Variants in SLC8A1 observed in about 807,000 individuals in gnomAD.
SLC8A1 encodes the protein solute carrier family 8 member A1.
In SLC8A1, 18 loss-of-function variants were observed where a neutral mutation model predicts 68.3. The observed-to-expected ratio is 0.26, with a 90% CI of 0.18 to 0.39. The LOEUF (loss-of-function observed/expected upper bound fraction) is 0.39. Among genes scored for constraint, SLC8A1 ranks in the 10% least tolerant of loss-of-function variants. SLC8A1 has a pLI of 1.00. For missense variants in SLC8A1, 985 were observed against 1,156.7 expected, an observed-to-expected ratio of 0.85 and a Z score of 2.15; for synonymous variants, 475 against 415.5, an observed-to-expected ratio of 1.14 and a Z score of -1.74.
At chr2:40,316,557 T>G (rs752880018) in intron 2 of SLC8A1, among the ~76,000 whole-genome samples, 3 of 152,072 alleles carry the variant, frequency 2.0e-5, no homozygotes, top group Non-Finnish European at 4.4e-5. Flanking sequence ...AAGCTTTAGC[T>G]GAGATCATGA....
At chr2:40,393,854 A>G (rs946468464) in intron 2 of SLC8A1, among the ~76,000 whole-genome samples, 1 of 152,154 alleles carries the variant, frequency 6.6e-6, no homozygotes, top group Non-Finnish European at 1.5e-5. Flanking sequence ...CCAAAATATT[A>G]TAAAGTTCAG....
At chr2:40,469,956 G>A (rs1320153903) in intron 1 of SLC8A1, among the ~76,000 whole-genome samples, 1 of 151,998 alleles carries the variant, frequency 6.6e-6, no homozygotes, top group African/African-American at 2.4e-5. Flanking sequence ...ATTTCAAAAC[G>A]TTTGTATCCT....
At chr2:40,472,668 C>G (rs746059243) in intron 1 of SLC8A1, among the ~76,000 whole-genome samples, 2 of 152,124 alleles carry the variant, frequency 1.3e-5, no homozygotes, top group Non-Finnish European at 2.9e-5. Context: ...ATGCCCAGCC[C>G]AAATGTGTTT....
chr2:40,136,369 C>T (rs2040498123), intron 7 of SLC8A1, among the ~76,000 whole-genome samples: 2 of 152,172 alleles, frequency 1.3e-5, no homozygotes, highest in African/African-American at 4.8e-5. Context: ...AATGTATAAG[C>T]TTTTCCCCAT....
At chr2:40,175,328 G>A in intron 3 of SLC8A1, 47 bp from the exon 4 acceptor site, 2 of 1,584,518 alleles carry the variant, frequency 1.3e-6, no homozygotes, top group Non-Finnish European at 1.7e-6. Flanking sequence ...GAGACCAGAT[G>A]AATAATGAAA....
At chr2:40,160,237 T>C (rs1194063144) in intron 6 of SLC8A1, among the ~76,000 whole-genome samples, 1 of 152,208 alleles carries the variant, frequency 6.6e-6, no homozygotes, top group Non-Finnish European at 1.5e-5. Context: ...ACTTCCTAAA[T>C]AAAACTCTGT....
At chr2:40,252,955 G>A (rs940856513) in intron 2 of SLC8A1, among the ~76,000 whole-genome samples, 4 of 116,744 alleles carry the variant, frequency 3.4e-5, no homozygotes, top group African/African-American at 1.0e-4. Context: ...ATATACATAT[G>A]TGTGTATATG....
chr2:40,150,051 TAAA>T (rs56010293), intron 6 of SLC8A1, among the ~76,000 whole-genome samples: 1,327 of 121,718 alleles, frequency 0.011, 22 homozygotes, highest in African/African-American at 0.038. Context: ...TCTTATTTGT[TAAA>T]AAAAAAAAAA....
At chr2:40,120,519 T>C (rs2036544821) in intron 7 of SLC8A1, among the ~76,000 whole-genome samples, 2 of 152,210 alleles carry the variant, frequency 1.3e-5, no homozygotes, top group African/African-American at 4.8e-5. Flanking sequence ...CTAAGACTCT[T>C]TCTAACTTTA....
At chr2:40,401,567 C>CAAAAAAAAAAA (rs3060361) in intron 2 of SLC8A1, among the ~76,000 whole-genome samples, 90 of 94,004 alleles carry the variant, frequency 9.6e-4, no homozygotes, top group East Asian at 3.0e-3. Flanking sequence ...ATAGGCCAGT[C>CAAAAAAAAAAA]AAAAAAAAAA....
chr2:40,278,187 C>A (rs899493445), intron 2 of SLC8A1, among the ~76,000 whole-genome samples: 1 of 151,988 alleles, frequency 6.6e-6, no homozygotes, highest in Non-Finnish European at 1.5e-5. Flanking sequence ...AAGGGCATCA[C>A]AGGCTGGGTG....
At chr2:40,411,019 A>G (rs4245782) in intron 2 of SLC8A1, among the ~76,000 whole-genome samples, 37,661 of 151,902 alleles carry the variant, frequency 0.25, 4,857 homozygotes, top group African/African-American at 0.3. Context: ...TTTGAAAAAT[A>G]ATTAAGTTTT....
At chr2:40,465,258 G>A (rs1162667449) in intron 1 of SLC8A1, among the ~76,000 whole-genome samples, 2 of 152,134 alleles carry the variant, frequency 1.3e-5, no homozygotes, top group African/African-American at 4.8e-5. Context: ...TGTCCTTCAT[G>A]CCTTATAGCT....
At chr2:40,159,325 C>G (rs2045239030) in intron 6 of SLC8A1, among the ~76,000 whole-genome samples, 2 of 152,074 alleles carry the variant, frequency 1.3e-5, no homozygotes, top group Admixed American at 1.3e-4. Flanking sequence ...GCACCAAGAA[C>G]AATAATTGAC....
exon 8 of SLC8A1, chr2:40,110,117 G>A (rs567024616): frequency 2.0e-5 from 3 of 152,224 alleles, no homozygotes; most frequent in Admixed American, 1.3e-4. Context: ...AGTGAAATAC[G>A]TACCATTTCT....
chr2:40,252,947 A>G (rs111259683), intron 2 of SLC8A1, among the ~76,000 whole-genome samples: 3 of 143,592 alleles, frequency 2.1e-5, no homozygotes, highest in African/African-American at 7.8e-5. Context: ...ATGTACATAT[A>G]TACATATGTG....
upstream of SLC8A1, among the ~76,000 whole-genome samples, chr2:40,452,458 C>A (rs999692726): frequency 1.3e-5 from 2 of 152,168 alleles, no homozygotes; most frequent in Non-Finnish European, 2.9e-5. Context: ...CTCTCGCACC[C>A]AGCCCATCGA....
intron 2 of SLC8A1, among the ~76,000 whole-genome samples, chr2:40,415,075 A>C (rs139104746): frequency 6.6e-6 from 1 of 152,350 alleles, no homozygotes; most frequent in Non-Finnish European, 1.5e-5. Flanking sequence ...CATGGAATGC[A>C]TGAAGAAGAC....
intron 2 of SLC8A1, among the ~76,000 whole-genome samples, chr2:40,200,562 C>A (rs2054167500): frequency 6.6e-6 from 1 of 151,380 alleles, no homozygotes; most frequent in Non-Finnish European, 1.5e-5. Flanking sequence ...TCCCTCTTAG[C>A]CCCCTTATCA....
Sources: allele counts gnomAD v4.1 joint callset (sites outside exome capture counted in the v4.1 genomes callset), GRCh38; gene constraint gnomAD v4.1.1; transcripts MANE v1.5; gene names NCBI Gene and HGNC (gene_info 2026-07-23, HGNC 2026-07-21).